Variants in DNAH7 observed in about 807,000 individuals in gnomAD.
The protein encoded by DNAH7 is axonemal beta dynein heavy chain 7.
In DNAH7, 397 loss-of-function variants were observed where a neutral mutation model predicts 444.6. The observed-to-expected ratio is 0.89, with a 90% confidence interval of 0.82 to 0.97. The LOEUF (loss-of-function observed/expected upper bound fraction) is 0.97, where lower values mean the gene tolerates loss of function less well. Among genes scored for constraint, DNAH7 ranks in the 50% least tolerant of loss-of-function variants. DNAH7 has a pLI of 0.00. For missense variants in DNAH7, 4,902 were observed against 4,800.8 expected, an observed-to-expected ratio of 1.02 and a Z score of -0.62; for synonymous variants, 1,636 against 1,624.4, an observed-to-expected ratio of 1.01 and a Z score of -0.17.
At chr2:196,030,603 C>A (rs1695990776) in intron 5 of DNAH7, among the ~76,000 whole-genome samples, 1 of 152,186 alleles carries the variant, frequency 6.6e-6, no homozygotes, top group African/African-American at 2.4e-5. Context: ...CTAGTTATTT[C>A]CTAGATATAA....
At chr2:195,890,660 A>G (rs1482851483) in intron 31 of DNAH7, among the ~76,000 whole-genome samples, 1 of 152,156 alleles carries the variant, frequency 6.6e-6, no homozygotes, top group Non-Finnish European at 1.5e-5. Context: ...TTGTGCCCAC[A>G]ATTTCTTTTA....
intron 58 of DNAH7, among the ~76,000 whole-genome samples, chr2:195,779,736 G>A (rs1405047937): frequency 2.6e-5 from 4 of 151,994 alleles, no homozygotes; most frequent in Non-Finnish European, 4.4e-5. Context: ...CTCTCAAGTA[G>A]CTGAGACTAC....
At chr2:195,748,098 C>T (rs1693540119) in intron 63 of DNAH7, among the ~76,000 whole-genome samples, 1 of 152,116 alleles carries the variant, frequency 6.6e-6, no homozygotes, top group African/African-American at 2.4e-5. Flanking sequence ...ATTGTCTCAG[C>T]CCAAAATCTC....
At chr2:195,830,864 G>A (rs1698035731) in intron 48 of DNAH7, among the ~76,000 whole-genome samples, 1 of 152,280 alleles carries the variant, frequency 6.6e-6, no homozygotes, top group African/African-American at 2.4e-5. Flanking sequence ...ACTAAAGACT[G>A]AGTCTGTCTT....
chr2:196,047,792 A>G (rs186198322), intron 4 of DNAH7, among the ~76,000 whole-genome samples: 1 of 152,078 alleles, frequency 6.6e-6, no homozygotes, highest in African/African-American at 2.4e-5. Flanking sequence ...GAACATTAAA[A>G]TTATGATAAA....
At chr2:195,933,668 A>G (rs1198388956) in intron 21 of DNAH7, among the ~76,000 whole-genome samples, 1 of 145,296 alleles carries the variant, frequency 6.9e-6, no homozygotes, top group Non-Finnish European at 1.5e-5. Flanking sequence ...CAAACACCGC[A>G]TGTTCTCACT....
At chr2:195,747,238 A>G (rs1228773584) in intron 63 of DNAH7, among the ~76,000 whole-genome samples, 1 of 152,216 alleles carries the variant, frequency 6.6e-6, no homozygotes, top group Admixed American at 6.5e-5. Flanking sequence ...CAAATAAACT[A>G]GAAAATCTAG....
chr2:195,817,909 TTAAAA>T, intron 49 of DNAH7, 80 bp from the exon 50 acceptor site: 1 of 1,047,278 alleles, frequency 9.5e-7, no homozygotes, highest in Non-Finnish European at 1.3e-6. Context: ...AGTTCTGCCC[TTAAAA>T]TAGACTCTAT....
At chr2:195,967,951 C>G (rs557139614) in intron 17 of DNAH7, among the ~76,000 whole-genome samples, 1 of 152,198 alleles carries the variant, frequency 6.6e-6, no homozygotes, top group Non-Finnish European at 1.5e-5. Context: ...CCACCCTTCC[C>G]TCCTCTTTCC....
chr2:196,028,424 A>G (rs1219714820), intron 5 of DNAH7, among the ~76,000 whole-genome samples: 4 of 152,188 alleles, frequency 2.6e-5, no homozygotes, highest in Admixed American at 6.5e-5. Flanking sequence ...AAGAACACTG[A>G]TGGAAAGTAC....
rs543807150 is a variant in DNAH7, at chr2:195,861,269, A to C, written c.7736+448T>G. On this transcript the variant is annotated intron_variant, in intron 42 of 64. Coordinates refer to ENST00000312428, the MANE Select transcript of DNAH7 (RefSeq NM_018897.3). ...AAGTCACCCTCCAGAACATTAAAAA[A>C]ACTCACATTGACACTTTCTATAGCA... is the stretch of plus-strand genomic sequence containing the variant. 3.3e-5 allele frequency among the ~76,000 whole-genome samples: 5 copies of C among 152,268 alleles called. No individual in the cohort carries two copies. The East Asian group carries it at 9.6e-4, about 29-fold the overall frequency.
chr2:195,849,927 GT>G (rs1306212253), intron 46 of DNAH7, among the ~76,000 whole-genome samples: 5 of 152,236 alleles, frequency 3.3e-5, no homozygotes, highest in Non-Finnish European at 7.4e-5. Context: ...TGTTCCATTT[GT>G]TTTCAGGCTG....
chr2:195,886,215 A>G lies in DNAH7; in HGVS notation c.5464T>C (p.Cys1822Arg), dbSNP rs1701701176. 3 of 1,613,958 alleles carry G rather than the reference A, an allele frequency of 1.9e-6. No individual in the cohort carries two copies. The highest frequency in any genetic ancestry group is 1.7e-4 in the Middle Eastern group (1 of 6,060). ...TCATCAGCAAAATCATCCATAAAACAGTCTATTAGATTCATTAAGGACCGG... is the reference window on the plus strand; with the variant it reads ...TCATCAGCAAAATCATCCATAAAACGGTCTATTAGATTCATTAAGGACCGG... ...LVRSLMNLID[C>R]FMDDFADEVK... is the part of the protein sequence containing the mutation. The change falls in exon 34 of 65, where the codon TGT becomes CGT. Residue 1822 changes from cysteine (C) to arginine (R), a missense_variant. By Grantham distance (180) the Cys-to-Arg change is radical. Coordinates refer to ENST00000312428, the MANE Select transcript of DNAH7 (RefSeq NM_018897.3).
At chr2:195,957,596 A>G (rs1690768749) in intron 18 of DNAH7, 149 bp from the exon 19 acceptor site, 1 of 418,576 alleles carries the variant, frequency 2.4e-6, no homozygotes. Flanking sequence ...ATAATGTTAT[A>G]CAATTGTTAT....
At chr2:195,992,865 G>A (rs957827967) in intron 12 of DNAH7, among the ~76,000 whole-genome samples, 3 of 152,230 alleles carry the variant, frequency 2.0e-5, no homozygotes, top group Non-Finnish European at 2.9e-5. Flanking sequence ...TCTGCTCCAT[G>A]TTCTACATCC....
At chr2:195,836,300 T>G (rs931090716) in intron 47 of DNAH7, among the ~76,000 whole-genome samples, 10 of 152,138 alleles carry the variant, frequency 6.6e-5, no homozygotes, top group African/African-American at 2.2e-4. Flanking sequence ...ACAGATCACT[T>G]AAGCCCAGGA....
intron 38 of DNAH7, among the ~76,000 whole-genome samples, chr2:195,874,413 A>AT (rs1700902222): frequency 1.3e-5 from 2 of 152,174 alleles, no homozygotes; most frequent in South Asian, 4.1e-4. Flanking sequence ...GAATTGTGAT[A>AT]TTTTTAGAAA....
rs1693054772 is a variant in DNAH7 at position 195,988,198 on chromosome 2, G to C, written c.1385C>G (p.Pro462Arg). 6.2e-7 allele frequency: 1 copy of C among 1,611,292 alleles called. No individual in the cohort carries two copies. Among genetic ancestry groups the C allele is most frequent in the Non-Finnish European group, 8.5e-7 (1 of 1,179,084 alleles). The change falls in exon 13 of 65, where the codon CCC (proline) becomes CGC (arginine). Residue 462 changes from proline (P) to arginine (R), a missense_variant. Physicochemically the swap from Pro to Arg is moderately radical, Grantham distance 103 (BLOSUM62 -2). Transcript: ENST00000312428. ...ESKSKPTTLKPIILNEIVDAH... is the reference protein window; with the variant it reads ...ESKSKPTTLKRIILNEIVDAH... ...ATCTACAATTTCATTCAGAATTATG[G>C]GCTTCAAGGTTGTTGGTTTAGACTT... is the stretch of plus-strand genomic sequence containing the variant.
chr2:195,875,418 TCAGAAGGTGGGAGAAAAAAGTTC>T (rs1559172458), intron 38 of DNAH7, among the ~76,000 whole-genome samples: 3 of 146,564 alleles, frequency 2.0e-5, no homozygotes, highest in South Asian at 2.1e-4. Flanking sequence ...GAAAAAAGTT[TCAGAAGGTGGGAGAAAAAAGTTC>T]CAGAAGGTGG....
Sources: gnomAD v4.1 joint callset for allele counts (sites outside exome capture counted in the v4.1 genomes callset) on GRCh38, gnomAD v4.1.1 for gene constraint, MANE v1.5 for transcripts, NCBI Gene and HGNC (gene_info 2026-07-23, HGNC 2026-07-21) for gene names.